GLI3: variants seen among roughly 807,000 people sequenced by gnomAD.
GLI3 encodes the protein transcription activator GLI3.
Under a neutral mutation model 100.8 loss-of-function variants are expected in GLI3, and 20 were observed. The observed-to-expected ratio is 0.20, with a 90% CI of 0.14 to 0.29. GLI3 has a LOEUF of 0.29. Among genes scored for constraint, GLI3 ranks in the 10% least tolerant of loss-of-function variants. The pLI, the probability that GLI3 is intolerant of heterozygous loss-of-function variation, is 1.00. For synonymous variants in GLI3, 938 were observed against 860.5 expected, an observed-to-expected ratio of 1.09 and a Z score of -1.58; for missense variants, 2,040 against 2,128.5, an observed-to-expected ratio of 0.96 and a Z score of 0.82.
chr7:42,213,540 C>T (rs1006612929), intron 2 of GLI3, among the ~76,000 whole-genome samples: 42 of 152,258 alleles, frequency 2.8e-4, no homozygotes, highest in African/African-American at 9.4e-4. Context: ...ATCATCGACA[C>T]TGTTATGAAA....
chr7:42,129,184 T>A lies in GLI3; in HGVS notation c.367+19042A>T, dbSNP rs1691161383. 1.3e-5 allele frequency among the ~76,000 whole-genome samples: 2 copies of A among 152,166 alleles called. 1 individual carries two copies. Among genetic ancestry groups the A allele is most frequent in the Admixed American group, 1.3e-4 (2 of 15,278 alleles). The stretch of plus-strand genomic sequence containing the variant: ...GCTTTATTTATATTAAGTAATTTAA[T>A]CCTCAAAACGAACCCATGATGTCAG... On this transcript the variant is annotated intron_variant, in intron 3 of 14. Coordinates refer to ENST00000395925, the MANE Select transcript of GLI3 (RefSeq NM_000168.6).
chr7:42,205,685 C>T (rs942080105), intron 2 of GLI3, among the ~76,000 whole-genome samples: 16 of 152,174 alleles, frequency 1.1e-4, no homozygotes, highest in African/African-American at 3.6e-4. Context: ...TAAATTGCTT[C>T]CAGAACATGT....
intron 3 of GLI3, among the ~76,000 whole-genome samples, chr7:42,122,077 T>C (rs947173314): frequency 2.0e-5 from 3 of 148,632 alleles, no homozygotes; most frequent in East Asian, 3.9e-4. Context: ...TATCTCCCAA[T>C]GTCTGTGACA....
intron 6 of GLI3, among the ~76,000 whole-genome samples, chr7:42,041,372 T>G (rs1181519392): frequency 6.6e-6 from 1 of 152,208 alleles, no homozygotes; most frequent in Non-Finnish European, 1.5e-5. Context: ...TGGTAGATAT[T>G]AGAGATGTGA....
At chr7:42,004,959 G>T (rs560146845) in intron 10 of GLI3, among the ~76,000 whole-genome samples, 15 of 152,216 alleles carry the variant, frequency 9.9e-5, no homozygotes, top group South Asian at 4.2e-4. Context: ...TAGGAACAAA[G>T]AATTTTACAC....
At chr7:41,979,323 G>C (rs1787593694) in intron 10 of GLI3, among the ~76,000 whole-genome samples, 1 of 152,234 alleles carries the variant, frequency 6.6e-6, no homozygotes, top group Non-Finnish European at 1.5e-5. Flanking sequence ...AAGAATTGCA[G>C]AGAAAAGAAT....
intron 3 of GLI3, among the ~76,000 whole-genome samples, chr7:42,089,085 A>G (rs967467310): frequency 2.0e-5 from 3 of 152,196 alleles, no homozygotes; most frequent in African/African-American, 7.2e-5. Flanking sequence ...AATGATGTCC[A>G]TGTGCTCCAA....
intron 2 of GLI3, among the ~76,000 whole-genome samples, chr7:42,158,060 C>A (rs1583608068): frequency 6.6e-6 from 1 of 152,146 alleles, no homozygotes; most frequent in South Asian, 2.1e-4. Flanking sequence ...CATATGCAAA[C>A]ACCTCCCCAA....
At chr7:42,096,837 C>T (rs1211796123) in intron 3 of GLI3, among the ~76,000 whole-genome samples, 4 of 152,194 alleles carry the variant, frequency 2.6e-5, no homozygotes, top group Admixed American at 2.6e-4. Flanking sequence ...TAGGTTATCT[C>T]AAAAGACTGT....
At chr7:42,172,583 A>C (rs1277949805) in intron 2 of GLI3, 1 of 702,900 alleles carries the variant, frequency 1.4e-6, no homozygotes, top group South Asian at 1.5e-5. Flanking sequence ...TAGCCCATCC[A>C]AGAGGATCTG....
At chr7:42,206,506 A>T (rs751959370) in intron 2 of GLI3, among the ~76,000 whole-genome samples, 2 of 152,148 alleles carry the variant, frequency 1.3e-5, no homozygotes, top group Admixed American at 6.5e-5. Context: ...CCCAGAGTTA[A>T]CCACTATTAA....
At chr7:42,206,598 G>T (rs1788158503) in intron 2 of GLI3, among the ~76,000 whole-genome samples, 2 of 152,048 alleles carry the variant, frequency 1.3e-5, no homozygotes, top group Non-Finnish European at 2.9e-5. Context: ...CTACAAAGGT[G>T]TTCCTCAAGT....
Position 42,051,315 on chromosome 7 carries a change from TCTC to T in GLI3, c.474-2622_474-2620del, listed in dbSNP as rs572181286. Among the ~76,000 whole-genome samples, 12 of 152,250 alleles carry T rather than the reference TCTC, an allele frequency of 7.9e-5. 1 individual carries two copies. The South Asian group carries it at 2.5e-3, about 32-fold the overall frequency. Reference sequence around the variant, plus strand: ...TGGACCTCAGCCTTGATACTCACCTTCTCCTCTTCCTTAAAGGTCCAATGGGGA... The same window carrying T: ...TGGACCTCAGCCTTGATACTCACCTTCTCTTCCTTAAAGGTCCAATGGGGA... On this transcript the variant is annotated intron_variant, in intron 4 of 14. Transcript: ENST00000395925.
At position 41,964,562 on chromosome 7, in the gene GLI3, A is replaced by G. The variant is rs1425867273; in HGVS notation, c.4511T>C (p.Ile1504Thr). 4 of 1,614,010 alleles carry G rather than the reference A, an allele frequency of 2.5e-6. No individual in the cohort carries two copies. The highest frequency in any genetic ancestry group is 2.5e-6 in the Non-Finnish European group (3 of 1,179,886). ...LDSHDLEGVQ[I>T]DFDAIIDDGD... ...ATCGTCTATGATGGCATCGAAGTCA[A>G]TCTGTACCCCTTCCAGGTCATGGCT... The change falls in exon 15 of 15, where the codon ATT becomes ACT. Residue 1504 changes from isoleucine to threonine, a missense_variant. This residue lies in a region of GLI3 where 1,041 missense variants were observed against 924.0 expected (regional missense o/e 1.13). Coordinates refer to ENST00000395925, the MANE Select transcript of GLI3 (RefSeq NM_000168.6).
chr7:42,174,409 T>C (rs1449997559), intron 2 of GLI3, among the ~76,000 whole-genome samples: 1 of 152,206 alleles, frequency 6.6e-6, no homozygotes, highest in Non-Finnish European at 1.5e-5. Flanking sequence ...CTGCATTGTA[T>C]GTCAAAACTT....
intron 1 of GLI3, among the ~76,000 whole-genome samples, chr7:42,256,318 T>A (rs1789084607): frequency 6.6e-6 from 1 of 152,084 alleles, no homozygotes; most frequent in African/African-American, 2.4e-5. Context: ...TTTTTTTTAA[T>A]GGATCATGTG....
intron 1 of GLI3, among the ~76,000 whole-genome samples, chr7:42,252,355 G>A (rs1436731990): frequency 6.6e-6 from 1 of 152,112 alleles, no homozygotes; most frequent in African/African-American, 2.4e-5. Flanking sequence ...GTGTTGGGCG[G>A]GAGGAGGAGG....
rs766473517 is a variant in GLI3 at position 42,025,366 on chromosome 7, C to T, written c.1254G>A (p.Thr418=). The T allele has an allele frequency of 6.0e-5, 96 of 1,612,764 alleles. No homozygotes were observed. Among genetic ancestry groups the T allele is most frequent in the Non-Finnish European group, 7.8e-5 (92 of 1,178,952 alleles). Residue 418 remains threonine, a synonymous_variant, in exon 9 of 15, where the codon ACG becomes ACA. Transcript: ENST00000395925. ...CAGTGCTGCTCACTGCAGACTCACT[C>T]GTGGGCTTGTTCTGCTGGTCACATT... is the stretch of plus-strand genomic sequence containing the variant. ...GPSESSQNKP[T]SESAVSSTGD...
rs201109218 is a variant in GLI3, at chr7:42,223,155, G to C, written c.99C>G (p.Ala33=). The C allele has an allele frequency of 6.2e-7, 1 of 1,613,960 alleles. No individual in the cohort carries two copies. ...CSTRTDVSEK[A]VASSTTSNED... is the part of the protein sequence containing the mutation. ...CATTAGAAGTGGTGCTGGAGGCAAC[G>C]GCTTTCTCGCTCACATCTGTTCGAG... Residue 33 remains alanine (A), a synonymous_variant, in exon 2 of 15, where the codon GCC becomes GCG. Transcript: ENST00000395925.
Sources: allele counts gnomAD v4.1 joint callset (sites outside exome capture counted in the v4.1 genomes callset), GRCh38; gene constraint gnomAD v4.1.1; regional missense constraint gnomAD v4.1.1; transcripts MANE v1.5; gene names NCBI Gene and HGNC (gene_info 2026-07-23, HGNC 2026-07-21).